Variants in SYNRG observed in about 807,000 individuals in gnomAD.
The protein encoded by SYNRG is AP1 gamma subunit binding protein 1.
In SYNRG, 37 loss-of-function variants were observed where a neutral mutation model predicts 130.9. That is an observed-to-expected ratio of 0.28 (90% CI 0.22 to 0.37). The LOEUF is 0.37. Ranked by LOEUF, SYNRG falls within the 10% of genes least tolerant of loss-of-function variation. SYNRG has a pLI of 1.00. For synonymous variants in SYNRG, 539 were observed against 568.1 expected, an observed-to-expected ratio of 0.95 and a Z score of 0.73; for missense variants, 1,338 against 1,588.9, an observed-to-expected ratio of 0.84 and a Z score of 2.68.
At chr17:37,604,117 G>A (rs2063531093) in intron 1 of SYNRG, among the ~76,000 whole-genome samples, 3 of 152,010 alleles carry the variant, frequency 2.0e-5, no homozygotes, top group Admixed American at 6.6e-5. Flanking sequence ...GTGCGTGCCT[G>A]TAATCTCAGC....
chr17:37,519,275 T>C (rs903975542), intron 21 of SYNRG, among the ~76,000 whole-genome samples: 2 of 152,158 alleles, frequency 1.3e-5, no homozygotes, highest in African/African-American at 2.4e-5. Context: ...TTGTTACCAC[T>C]AAACCTAGTT....
At chr17:37,608,834 T>G (rs1229482016) in intron 1 of SYNRG, among the ~76,000 whole-genome samples, 1 of 152,090 alleles carries the variant, frequency 6.6e-6, no homozygotes, top group Non-Finnish European at 1.5e-5. Flanking sequence ...CACACCCCCC[T>G]TGGAAACAGT....
chr17:37,518,647 T>C lies in SYNRG; in HGVS notation c.*293A>G. Reference sequence around the variant, plus strand: ...AAATGTCAGTTCTTCACAGTTTCAATACTGCAGCAGCAAGTTCTTCCTTAG... The same window carrying C: ...AAATGTCAGTTCTTCACAGTTTCAACACTGCAGCAGCAAGTTCTTCCTTAG... On this transcript the variant is annotated 3_prime_UTR_variant, in exon 22 of 22. Coordinates refer to ENST00000612223, the MANE Select transcript of SYNRG (RefSeq NM_007247.6). The C allele has an allele frequency of 2.8e-6, 1 of 357,044 alleles. No homozygotes were observed. The highest frequency in any genetic ancestry group is 2.0e-5 in the African/African-American group (1 of 48,844). 22.1% of individuals were successfully genotyped at this position (357,044 alleles called of 1,614,324 possible). A position where few individuals can be genotyped will look rare whatever the true frequency, so the allele number is the denominator to read the frequency against.
At position 37,576,402 on chromosome 17, in the gene SYNRG, G is replaced by A. The variant is rs1315354808; in HGVS notation, c.840C>T (p.Pro280=). Reference sequence around the variant, plus strand: ...TTCTGGGCTGAGCAGGATCCTGTGAGGGAAATACTCCCACACCTAGAAGGT... The same window carrying A: ...TTCTGGGCTGAGCAGGATCCTGTGAAGGAAATACTCCCACACCTAGAAGGT... ...SIEESGVGVF[P]SQDPAQPRMP... is the part of the protein sequence containing the mutation. Residue 280 remains proline, a synonymous_variant, in exon 8 of 22, where the codon CCC becomes CCT. Coordinates refer to ENST00000612223, the MANE Select transcript of SYNRG (RefSeq NM_007247.6). 9 of 1,613,810 alleles carry A rather than the reference G, an allele frequency of 5.6e-6. No individual in the cohort carries two copies. The highest frequency in any genetic ancestry group is 5.5e-5 in the South Asian group (5 of 91,058).
Position 37,600,382 on chromosome 17 carries a change from A to C in SYNRG, c.99T>G (p.Gly33=), listed in dbSNP as rs2063160734. Reference sequence around the variant, plus strand: ...ACATACCTTGAGGGGGTCTTATCCCACCTGCAACAGGAAACATGAAGCTGA... The same window carrying C: ...ACATACCTTGAGGGGGTCTTATCCCCCCTGCAACAGGAAACATGAAGCTGA... ...GGGGFMFPVA[G]GIRPPQAGLM... Residue 33 remains glycine, a synonymous_variant, in exon 2 of 22, where the codon GGT becomes GGG. Coordinates refer to ENST00000612223, the MANE Select transcript of SYNRG (RefSeq NM_007247.6). The C allele has an allele frequency of 1.2e-6, 2 of 1,613,228 alleles. No individual in the cohort carries two copies. The highest frequency in any genetic ancestry group is 2.7e-5 in the African/African-American group (2 of 74,906).
chr17:37,605,690 G>A (rs2063691495), intron 1 of SYNRG: 1 of 307,528 alleles, frequency 3.3e-6, no homozygotes, highest in Non-Finnish European at 4.8e-6. Context: ...AAGCAGTTAA[G>A]GCATTAATAA....
chr17:37,551,660 G>C (rs1187807948), intron 14 of SYNRG, among the ~76,000 whole-genome samples: 1 of 151,974 alleles, frequency 6.6e-6, no homozygotes, highest in Non-Finnish European at 1.5e-5. Context: ...CAGAAAAATA[G>C]TTTCTAATTA....
chr17:37,542,600 A>G (rs2057866823), intron 14 of SYNRG, 35 bp from the exon 15 acceptor site: 1 of 1,564,118 alleles, frequency 6.4e-7, no homozygotes, highest in Non-Finnish European at 8.7e-7. Flanking sequence ...ATTAGAGGCA[A>G]GCAATTTAGG....
At chr17:37,524,137 C>A (rs2055524397) in intron 19 of SYNRG, among the ~76,000 whole-genome samples, 1 of 152,164 alleles carries the variant, frequency 6.6e-6, no homozygotes, top group African/African-American at 2.4e-5. Context: ...GGGAGCCTGG[C>A]ATGGCAGTTG....
intron 11 of SYNRG, among the ~76,000 whole-genome samples, chr17:37,564,035 G>A (rs1185787383): frequency 6.6e-6 from 1 of 151,442 alleles, no homozygotes; most frequent in Non-Finnish European, 1.5e-5. Flanking sequence ...TTTTTGTAGA[G>A]ATGGGGTTTC....
chr17:37,604,197 G>A (rs926618046), intron 1 of SYNRG, among the ~76,000 whole-genome samples: 4 of 150,816 alleles, frequency 2.7e-5, no homozygotes, highest in African/African-American at 7.3e-5. Context: ...GCGAGATCAC[G>A]CCACTGCACT....
At chr17:37,592,130 T>C (rs1192315652) in intron 3 of SYNRG, among the ~76,000 whole-genome samples, 1 of 151,964 alleles carries the variant, frequency 6.6e-6, no homozygotes. Flanking sequence ...AATTAGAAAA[T>C]GGTCAGAAGC....
chr17:37,568,787 C>G lies in SYNRG; in HGVS notation c.1481+4G>C. 1 of 1,613,398 alleles carries G rather than the reference C, an allele frequency of 6.2e-7. No homozygotes were observed. Among genetic ancestry groups the G allele is most frequent in the Non-Finnish European group, 8.5e-7 (1 of 1,179,778 alleles). ...AATGTTAAATATATTAAACTCTTTTCTACCTGTTTCCATGCTGGGAGTTAC... is the reference window on the plus strand; with the variant it reads ...AATGTTAAATATATTAAACTCTTTTGTACCTGTTTCCATGCTGGGAGTTAC... On this transcript the variant is annotated splice_donor_region_variant and intron_variant, in intron 11 of 21. Transcript: ENST00000612223.
rs145726662 is a variant in SYNRG, at chr17:37,522,959, T to C, written c.3667-2311A>G. 7.5e-3 allele frequency among the ~76,000 whole-genome samples: 1,145 copies of C among 152,190 alleles called. 55 individuals carry two copies. Among genetic ancestry groups the C allele is most frequent in the Admixed American group, 0.068 (1,035 of 15,290 alleles). On this transcript the variant is annotated intron_variant, in intron 19 of 21. Coordinates refer to ENST00000612223, the MANE Select transcript of SYNRG (RefSeq NM_007247.6). ...TGGCCACACACTTTTAAGTTTAATC[T>C]GCACTAATAACATTTTCTCCATCAC...
chr17:37,606,074 T>C (rs2063719956), intron 1 of SYNRG: 13 of 926,764 alleles, frequency 1.4e-5, no homozygotes, highest in Non-Finnish European at 1.7e-5. Flanking sequence ...ATGATTTCCC[T>C]GAAACTGAAT....
intron 11 of SYNRG, among the ~76,000 whole-genome samples, chr17:37,565,706 G>T (rs1000794431): frequency 6.6e-6 from 1 of 150,752 alleles, no homozygotes; most frequent in Non-Finnish European, 1.5e-5. Flanking sequence ...GCCCCATCTG[G>T]GATGTGAGGA....
intron 13 of SYNRG, among the ~76,000 whole-genome samples, chr17:37,558,657 C>G (rs2059294694): frequency 6.6e-6 from 1 of 152,160 alleles, no homozygotes; most frequent in Non-Finnish European, 1.5e-5. Context: ...TATAGCCAAT[C>G]TTGAAAATCT....
At chr17:37,601,270 T>C (rs1228945659) in intron 1 of SYNRG, among the ~76,000 whole-genome samples, 1 of 152,118 alleles carries the variant, frequency 6.6e-6, no homozygotes, top group Admixed American at 6.5e-5. Flanking sequence ...GGTTTCACCA[T>C]GTTGGCCAGG....
chr17:37,597,654 C>T (rs938058943), intron 2 of SYNRG, among the ~76,000 whole-genome samples: 7 of 152,208 alleles, frequency 4.6e-5, no homozygotes, highest in East Asian at 3.8e-4. Flanking sequence ...AAAACTATCA[C>T]GAATGTATGA....
Sources: gnomAD v4.1 joint callset for allele counts (sites outside exome capture counted in the v4.1 genomes callset) on GRCh38, gnomAD v4.1.1 for gene constraint, MANE v1.5 for transcripts, NCBI Gene and HGNC (gene_info 2026-07-23, HGNC 2026-07-21) for gene names.